Variants in BDH1 observed in about 807,000 individuals in gnomAD.
BDH1 encodes 3-hydroxybutyrate dehydrogenase 1.
Under a neutral mutation model 33.1 loss-of-function variants are expected in BDH1, and 30 were observed. The observed-to-expected ratio is 0.91, with a 90% CI of 0.68 to 1.23. The LOEUF is 1.23. Ranked by LOEUF, BDH1 falls within the 50% of genes most tolerant of loss-of-function variation. BDH1 has a pLI of 0.00. For synonymous variants in BDH1, 190 were observed against 183.6 expected, an observed-to-expected ratio of 1.03 and a Z score of -0.28; for missense variants, 443 against 464.4, an observed-to-expected ratio of 0.95 and a Z score of 0.42.
At chr3:197,564,418 A>T (rs1378920230) in intron 1 of BDH1, among the ~76,000 whole-genome samples, 1 of 152,156 alleles carries the variant, frequency 6.6e-6, no homozygotes, top group African/African-American at 2.4e-5. Context: ...TAAGGTTATT[A>T]CACCCATATG....
chr3:197,558,269 G>A (rs192483695), upstream of BDH1, among the ~76,000 whole-genome samples: 48 of 152,316 alleles, frequency 3.2e-4, no homozygotes, highest in African/African-American at 1.2e-3. Context: ...GACCCTTGCA[G>A]GAATCCGCTG....
intron 3 of BDH1, among the ~76,000 whole-genome samples, chr3:197,539,930 A>G (rs1715458232): frequency 6.6e-6 from 1 of 152,154 alleles, no homozygotes; most frequent in Non-Finnish European, 1.5e-5. Context: ...CTCTTTGTCT[A>G]CTGCAAGTCC....
At chr3:197,571,594 C>T (rs941713655) in intron 1 of BDH1, among the ~76,000 whole-genome samples, 1 of 152,222 alleles carries the variant, frequency 6.6e-6, no homozygotes, top group African/African-American at 2.4e-5. Flanking sequence ...ACTTGGCTTT[C>T]GTTCTCTCTC....
intron 2 of BDH1, among the ~76,000 whole-genome samples, chr3:197,550,982 G>C (rs1390309483): frequency 6.6e-6 from 1 of 152,138 alleles, no homozygotes; most frequent in Non-Finnish European, 1.5e-5. Flanking sequence ...GTACTATTTT[G>C]ATATAGGCAT....
rs547595303 is a variant in BDH1 at position 197,525,402 on chromosome 3, A to G, written c.268-2621T>C. On this transcript the variant is annotated intron_variant, in intron 5 of 7. Coordinates refer to ENST00000392379, the MANE Select transcript of BDH1 (RefSeq NM_203314.3). The surrounding 1 kb of genome is among the most constrained non-coding windows in gnomAD (Gnocchi z 4.9). ...ATCATTCAGCTCTTCTCAGACCCCT[A>G]TACAAGACCTCTCTGGTGCCCCTAC... 3.3e-5 allele frequency among the ~76,000 whole-genome samples: 5 copies of G among 152,244 alleles called. No homozygotes were observed. The East Asian group carries it at 9.7e-4, about 29-fold the overall frequency.
intron 2 of BDH1, among the ~76,000 whole-genome samples, chr3:197,549,132 T>C (rs1421636404): frequency 6.6e-6 from 1 of 152,170 alleles, no homozygotes; most frequent in Non-Finnish European, 1.5e-5. Context: ...CTCAGTCTCC[T>C]CAGCCTTGAA....
rs1335505944 is a variant in BDH1, at chr3:197,554,731, A to T, written c.-195-18T>A. On this transcript the variant is annotated intron_variant, in intron 1 of 7. Transcript: ENST00000392379. This position sits in a 1 kb window ranked among gnomAD's most constrained non-coding sequence, Gnocchi z 4.4. ...CTGACTGGCTGGAAAAGAAAAAAAA[A>T]AAACGCGGAGTTCGACGCCGCGCGC... The T allele has an allele frequency of 1.3e-5, 2 of 151,996 alleles. No homozygotes were observed. The highest frequency in any genetic ancestry group is 2.9e-5 in the Non-Finnish European group (2 of 67,960). 9.4% of individuals were successfully genotyped at this position (151,996 alleles called of 1,614,324 possible).
At chr3:197,533,006 T>A (rs1476546161) in intron 4 of BDH1, among the ~76,000 whole-genome samples, 2 of 152,186 alleles carry the variant, frequency 1.3e-5, no homozygotes, top group Non-Finnish European at 2.9e-5. Flanking sequence ...GCCTCCCAAG[T>A]AGCTGGGATT....
chr3:197,554,176 C>G lies in BDH1; in HGVS notation c.-44+386G>C, dbSNP rs1716802512. ...AGTCCTAGCTGGTTCAGATAACTCT[C>G]CCGAGCAGCCTTTTCTAATCCCCTA... On this transcript the variant is annotated intron_variant, in intron 2 of 7. Transcript: ENST00000392379. This position sits in a 1 kb window ranked among gnomAD's most constrained non-coding sequence, Gnocchi z 4.4. Among the ~76,000 whole-genome samples the G allele has an allele frequency of 6.6e-6, 1 of 152,228 alleles. No homozygotes were observed. Among genetic ancestry groups the G allele is most frequent in the African/African-American group, 2.4e-5 (1 of 41,458 alleles).
chr3:197,531,905 C>A (rs904974219), intron 5 of BDH1, among the ~76,000 whole-genome samples: 1 of 152,136 alleles, frequency 6.6e-6, no homozygotes, highest in Non-Finnish European at 1.5e-5. Context: ...CAGGCTATTC[C>A]TCCCGTCCAG....
intron 3 of BDH1, among the ~76,000 whole-genome samples, chr3:197,542,521 C>CTTTTTTTTTTTTTTTTTTTTTTTTTTTT (rs71164295): frequency 2.8e-5 from 3 of 106,418 alleles, no homozygotes; most frequent in Admixed American, 1.0e-4. Context: ...TTCTTGCTTG[C>CTTTTTTTTTTTTTTTTTTTTTTTTTTTT]TTTTTTTTTT....
Position 197,514,161 on chromosome 3 carries a change from A to G in BDH1, c.562+103T>C. On this transcript the variant is annotated intron_variant, in intron 7 of 7. Transcript: ENST00000392379. The surrounding 1 kb of genome is among the most constrained non-coding windows in gnomAD (Gnocchi z 4.2). ...GGGATTCACGAGCTCACCTCTGCTG[A>G]GTTGTGGACATTGGAGCTGCTGGGA... The G allele has an allele frequency of 7.0e-7, 1 of 1,425,058 alleles. No homozygotes were observed. The highest frequency in any genetic ancestry group is 9.4e-7 in the Non-Finnish European group (1 of 1,062,132). The allele number at this position is 1,425,058 out of a possible 1,614,324, so 88.3% of individuals were successfully genotyped here.
At chr3:197,557,039 C>A (rs952834472), upstream of BDH1, among the ~76,000 whole-genome samples, 1 of 152,244 alleles carries the variant, frequency 6.6e-6, no homozygotes, top group African/African-American at 2.4e-5. The surrounding 1 kb of genome is among the most constrained non-coding windows in gnomAD (Gnocchi z 4.6). Context: ...CTGATTCCCC[C>A]TTTGGAGAGG....
intron 3 of BDH1, among the ~76,000 whole-genome samples, chr3:197,545,507 G>C (rs13073953): frequency 0.32 from 48,161 of 152,128 alleles, 7,853 homozygotes; most frequent in Middle Eastern, 0.4. Context: ...CATAACCAGC[G>C]AGAGTGTCAA....
chr3:197,512,307 G>A lies in BDH1; in HGVS notation c.620C>T (p.Pro207Leu), dbSNP rs200605471. 3.7e-6 allele frequency: 6 copies of A among 1,611,900 alleles called. No individual in the cohort carries two copies. The highest frequency in any genetic ancestry group is 4.5e-5 in the East Asian group (2 of 44,884). ...TACCCCGAACTTGGTGATGCAGTACGGGGAGCGGGCCGGGTTGGCCATGCG... is the reference window on the plus strand; with the variant it reads ...TACCCCGAACTTGGTGATGCAGTACAGGGAGCGGGCCGGGTTGGCCATGCG... The part of the protein sequence containing the change: ...LGRMANPARS[P>L]YCITKFGVEA... Residue 207 changes from proline (P) to leucine (L), a missense_variant, in exon 8 of 8, where the codon CCG becomes CTG. Pro to Leu is a moderately conservative substitution (Grantham distance 98). Coordinates refer to ENST00000392379, the MANE Select transcript of BDH1 (RefSeq NM_203314.3).
chr3:197,514,221 G>A lies in BDH1; in HGVS notation c.562+43C>T. Reference sequence around the variant, plus strand: ...CCATTCTGAGCAAAGATGAACACGTGGGGCAGGTTCAGGGGCAGGAGGGAG... The same window carrying A: ...CCATTCTGAGCAAAGATGAACACGTAGGGCAGGTTCAGGGGCAGGAGGGAG... On this transcript the variant is annotated intron_variant, in intron 7 of 7. Transcript: ENST00000392379. The surrounding 1 kb of genome is among the most constrained non-coding windows in gnomAD (Gnocchi z 4.2). The A allele has an allele frequency of 6.3e-7, 1 of 1,581,326 alleles. No individual in the cohort carries two copies. Among genetic ancestry groups the A allele is most frequent in the Non-Finnish European group, 8.6e-7 (1 of 1,160,542 alleles).
rs1290273019 is a variant in BDH1, at chr3:197,510,449, A to C, written c.*1446T>G. On this transcript the variant is annotated 3_prime_UTR_variant, in exon 8 of 8. Coordinates refer to ENST00000392379, the MANE Select transcript of BDH1 (RefSeq NM_203314.3). ...GTGTTTGGCTTCGGTCCCAACATAC[A>C]GGCCCTGGGCAGTCGCAGGGATGGC... is the stretch of plus-strand genomic sequence containing the variant. 1.3e-5 allele frequency: 2 copies of C among 152,318 alleles called. No individual in the cohort carries two copies. The highest frequency in any genetic ancestry group is 3.9e-4 in the East Asian group (2 of 5,178). The allele number at this position is 152,318 out of a possible 1,614,324, so 9.4% of individuals were successfully genotyped here. A position where few individuals can be genotyped will look rare whatever the true frequency, so the allele number is the denominator to read the frequency against.
Position 197,526,593 on chromosome 3 carries a change from AC to A in BDH1, c.268-3813del, listed in dbSNP as rs1243859129. Among the ~76,000 whole-genome samples, 1 of 151,996 alleles carries A rather than the reference AC, an allele frequency of 6.6e-6. No individual in the cohort carries two copies. Among genetic ancestry groups the A allele is most frequent in the African/African-American group, 2.4e-5 (1 of 41,364 alleles). ...CCTCAGCCCCTGGCCTCAGTGATGT[AC>A]CCGCTTCTGGCTGGGGCCACATGGA... On this transcript the variant is annotated intron_variant, in intron 5 of 7. Coordinates refer to ENST00000392379, the MANE Select transcript of BDH1 (RefSeq NM_203314.3). The surrounding 1 kb of genome is among the most constrained non-coding windows in gnomAD (Gnocchi z 4.7).
At chr3:197,564,346 ATAT>A (rs759512447) in intron 1 of BDH1, among the ~76,000 whole-genome samples, 1 of 151,974 alleles carries the variant, frequency 6.6e-6, no homozygotes, top group Non-Finnish European at 1.5e-5. Context: ...TCAAGTTGTC[ATAT>A]TATTATTAAG....
Sources: gnomAD v4.1 joint callset for allele counts (sites outside exome capture counted in the v4.1 genomes callset) on GRCh38, gnomAD v4.1.1 for gene constraint, Gnocchi (gnomAD v3.1) non-coding constraint, MANE v1.5 for transcripts, NCBI Gene and HGNC (gene_info 2026-07-23, HGNC 2026-07-21) for gene names.